ZNF618: variants seen among roughly 807,000 people sequenced by gnomAD.
The protein encoded by ZNF618 is neural precursor cell expressed, developmentally down-regulated 10.
Under a neutral mutation model 103.0 loss-of-function variants are expected in ZNF618, and 34 were observed. The ratio of observed to expected loss-of-function variants is 0.33; its 90% CI spans 0.25 to 0.44. The LOEUF is 0.44. ZNF618 is among the 20% of genes least tolerant of loss of function. The probability of loss-of-function intolerance (pLI) is 1.00; values close to 1 mark genes in which losing one functional copy is unlikely to be tolerated. For synonymous variants in ZNF618, 551 were observed against 542.2 expected, an observed-to-expected ratio of 1.02 and a Z score of -0.23; for missense variants, 1,059 against 1,295.4, an observed-to-expected ratio of 0.82 and a Z score of 2.80.
Position 114,053,079 on chromosome 9 carries a change from C to G in ZNF618, c.*2912C>G, listed in dbSNP as rs923267814. Reference sequence around the variant, plus strand: ...TGCAACCTCTGGTTCCCTCCGGAAACTGGTGTCACCAACAGGAAAGGCTGT... The same window carrying G: ...TGCAACCTCTGGTTCCCTCCGGAAAGTGGTGTCACCAACAGGAAAGGCTGT... On this transcript the variant is annotated 3_prime_UTR_variant, in exon 15 of 15. Coordinates refer to ENST00000374126, the MANE Select transcript of ZNF618 (RefSeq NM_001318042.2). The G allele has an allele frequency of 3.3e-5, 5 of 152,540 alleles. No individual in the cohort carries two copies. Among genetic ancestry groups the G allele is most frequent in the African/African-American group, 1.2e-4 (5 of 41,464 alleles). The allele number at this position is 152,540 out of a possible 1,614,324, so 9.4% of individuals were successfully genotyped here.
chr9:114,056,326 A>C lies in ZNF618; in HGVS notation c.*6159A>C, dbSNP rs975959554. On this transcript the variant is annotated 3_prime_UTR_variant, in exon 15 of 15. Coordinates refer to ENST00000374126, the MANE Select transcript of ZNF618 (RefSeq NM_001318042.2). ...ATAAAATTTAAAACTGAGCTGTTTA[A>C]TGTTGCTGTTTTTACCTGTCTGTTC... 2.0e-5 allele frequency: 3 copies of C among 152,218 alleles called. No individual in the cohort carries two copies. Among genetic ancestry groups the C allele is most frequent in the African/African-American group, 4.8e-5 (2 of 41,442 alleles). 9.4% of individuals were successfully genotyped at this position (152,218 alleles called of 1,614,324 possible). A position where few individuals can be genotyped will look rare whatever the true frequency, so the allele number is the denominator to read the frequency against.
At chr9:113,886,971 CTTTTTTT>C (rs57000343) in intron 1 of ZNF618, among the ~76,000 whole-genome samples, 2,482 of 109,462 alleles carry the variant, frequency 0.023, 88 homozygotes, top group African/African-American at 0.08. Flanking sequence ...TTACTTTCTA[CTTTTTTT>C]TTTTTTTTTT....
At chr9:113,899,988 C>T (rs916953276) in intron 1 of ZNF618, among the ~76,000 whole-genome samples, 6 of 152,030 alleles carry the variant, frequency 3.9e-5, no homozygotes, top group African/African-American at 1.2e-4. Flanking sequence ...TTGGTATGTA[C>T]CTAGAAATGG....
intron 1 of ZNF618, among the ~76,000 whole-genome samples, chr9:113,891,357 C>T (rs559471303): frequency 7.2e-5 from 11 of 152,106 alleles, no homozygotes; most frequent in East Asian, 5.8e-4. Flanking sequence ...GACATTTCTC[C>T]GAAGAAATAT....
chr9:113,952,084 T>TA (rs1341861909), intron 1 of ZNF618, among the ~76,000 whole-genome samples: 3 of 152,200 alleles, frequency 2.0e-5, no homozygotes, highest in Admixed American at 6.5e-5. Flanking sequence ...TAACTGTTTT[T>TA]TCTTTTTTTA....
intron 10 of ZNF618, among the ~76,000 whole-genome samples, chr9:114,022,600 C>CTA (rs1588374211): frequency 1.3e-4 from 1 of 7,758 alleles, no homozygotes; most frequent in Admixed American, 1.2e-3. Context: ...GTCCACTTGA[C>CTA]CAAAAAAAAA....
chr9:113,914,392 C>G (rs117460355), intron 1 of ZNF618, among the ~76,000 whole-genome samples: 1 of 152,180 alleles, frequency 6.6e-6, no homozygotes, highest in South Asian at 2.1e-4. Flanking sequence ...GCTCTCCTCA[C>G]GTGCGCTTCT....
rs572826412 is a variant in ZNF618 at position 113,948,166 on chromosome 9, G to A, written c.34-20951G>A. On this transcript the variant is annotated intron_variant, in intron 1 of 14. Coordinates refer to ENST00000374126, the MANE Select transcript of ZNF618 (RefSeq NM_001318042.2). ...TGCAGTGCGACCTCATAAATGGAGC[G>A]GTGGAATTTTCACTCCCTTTGTACT... Among the ~76,000 whole-genome samples the A allele has an allele frequency of 7.9e-5, 12 of 152,172 alleles. No homozygotes were observed. The South Asian group carries it at 8.3e-4, about 11-fold the overall frequency.
At chr9:114,009,516 C>T (rs10817553) in intron 9 of ZNF618, among the ~76,000 whole-genome samples, 82,513 of 151,904 alleles carry the variant, frequency 0.54, 24,576 homozygotes, top group Non-Finnish European at 0.66. Context: ...GTGGCCAGCC[C>T]AGGGCAGGTG....
chr9:113,984,795 G>A (rs1488603567), intron 2 of ZNF618, among the ~76,000 whole-genome samples: 1 of 152,216 alleles, frequency 6.6e-6, no homozygotes, highest in African/African-American at 2.4e-5. Flanking sequence ...GGGAATGTCA[G>A]CTGCTTTCTT....
chr9:114,026,379 CA>C (rs1296846731), intron 10 of ZNF618, among the ~76,000 whole-genome samples: 1 of 152,208 alleles, frequency 6.6e-6, no homozygotes, highest in African/African-American at 2.4e-5. Flanking sequence ...CTCCCTGCCA[CA>C]GGGAAAGAGG....
chr9:113,921,844 G>A (rs570441812), intron 1 of ZNF618, among the ~76,000 whole-genome samples: 5 of 152,082 alleles, frequency 3.3e-5, no homozygotes, highest in African/African-American at 9.6e-5. Flanking sequence ...TCATCACTTC[G>A]GATGCTTCCT....
intron 2 of ZNF618, 63 bp downstream of exon 2, chr9:113,969,223 T>C (rs1389863053): frequency 6.3e-7 from 1 of 1,594,362 alleles, no homozygotes; most frequent in Admixed American, 1.7e-5. Flanking sequence ...TGACTAACAG[T>C]TACCACTCTC....
At chr9:113,984,959 A>C (rs188555724) in intron 2 of ZNF618, among the ~76,000 whole-genome samples, 4 of 152,052 alleles carry the variant, frequency 2.6e-5, no homozygotes, top group Admixed American at 2.6e-4. Flanking sequence ...GGTTGGTCTA[A>C]CTCCACAGCC....
chr9:113,946,344 TA>T (rs1241986767), intron 1 of ZNF618, among the ~76,000 whole-genome samples: 2 of 147,578 alleles, frequency 1.4e-5, no homozygotes, highest in African/African-American at 5.1e-5. Context: ...GCAAGTTAAT[TA>T]AATTTATGGA....
chr9:113,951,451 G>GTGTGTA (rs1457536817), intron 1 of ZNF618, among the ~76,000 whole-genome samples: 1 of 10,652 alleles, frequency 9.4e-5, no homozygotes, highest in Non-Finnish European at 2.0e-4. Context: ...ACATATATGT[G>GTGTGTA]TATATATACA....
At chr9:113,885,417 G>A (rs777914103) in intron 1 of ZNF618, among the ~76,000 whole-genome samples, 39 of 152,168 alleles carry the variant, frequency 2.6e-4, no homozygotes, top group Admixed American at 1.6e-3. Flanking sequence ...TAACTAGTAC[G>A]AATTATTAGT....
chr9:113,926,341 G>T (rs546669928), intron 1 of ZNF618, among the ~76,000 whole-genome samples: 1 of 151,844 alleles, frequency 6.6e-6, no homozygotes, highest in South Asian at 2.1e-4. Context: ...AGTATGATAC[G>T]CTGGGATACA....
chr9:114,048,068 C>A, intron 14 of ZNF618, 74 bp downstream of exon 14: 1 of 1,277,790 alleles, frequency 7.8e-7, no homozygotes, highest in Non-Finnish European at 1.1e-6. Flanking sequence ...CCCCCATTCC[C>A]ACCATTTGTG....
Sources: gnomAD v4.1 joint callset for allele counts (sites outside exome capture counted in the v4.1 genomes callset) on GRCh38, gnomAD v4.1.1 for gene constraint, MANE v1.5 for transcripts, NCBI Gene and HGNC (gene_info 2026-07-23, HGNC 2026-07-21) for gene names.